Variants in NEBL observed in about 807,000 individuals in gnomAD.
NEBL encodes the protein LIM and SH3 protein 2.
Under a neutral mutation model 140.2 loss-of-function variants are expected in NEBL, and 122 were observed. The observed-to-expected ratio is 0.87, with a 90% CI of 0.75 to 1.01. NEBL has a LOEUF of 1.01. NEBL is among the 50% of genes least tolerant of loss of function. The pLI is 0.00. For missense variants in NEBL, 1,365 were observed against 1,231.3 expected, an observed-to-expected ratio of 1.11 and a Z score of -1.62; for synonymous variants, 436 against 398.9, an observed-to-expected ratio of 1.09 and a Z score of -1.11.
At chr10:21,185,010 A>G (rs751399493) in intron 3 of NEBL, among the ~76,000 whole-genome samples, 2 of 152,172 alleles carry the variant, frequency 1.3e-5, no homozygotes, top group Non-Finnish European at 2.9e-5. Context: ...GAAGATTGCT[A>G]TCTTACCTTC....
intron 1 of NEBL, among the ~76,000 whole-genome samples, chr10:21,263,612 T>TA (rs1842765687): frequency 6.6e-6 from 1 of 152,198 alleles, no homozygotes; most frequent in Non-Finnish European, 1.5e-5. Context: ...GCTTTAAAAT[T>TA]AAACTCTAAG....
At chr10:20,867,606 T>C (rs532897992) in intron 7 of NEBL, among the ~76,000 whole-genome samples, 1 of 152,164 alleles carries the variant, frequency 6.6e-6, no homozygotes, top group Non-Finnish European at 1.5e-5. Flanking sequence ...TATCCTTATG[T>C]AGTATATAGA....
chr10:20,968,204 G>T (rs1259941427), intron 3 of NEBL, among the ~76,000 whole-genome samples: 1 of 152,052 alleles, frequency 6.6e-6, no homozygotes, highest in Non-Finnish European at 1.5e-5. Context: ...GTGTTAAAGG[G>T]ATTCCAAATA....
intron 26 of NEBL, among the ~76,000 whole-genome samples, chr10:20,802,038 CT>C (rs1284897167): frequency 6.6e-6 from 1 of 152,138 alleles, no homozygotes; most frequent in African/African-American, 2.4e-5. Context: ...CTCCCATATC[CT>C]TTTACGTTTT....
At chr10:20,798,405 G>A (rs1836783262) in intron 26 of NEBL, among the ~76,000 whole-genome samples, 2 of 152,170 alleles carry the variant, frequency 1.3e-5, no homozygotes, top group Non-Finnish European at 2.9e-5. Flanking sequence ...GAAAAGCAGG[G>A]AAATTTGTGA....
chr10:21,202,026 T>G (rs1001941702), intron 3 of NEBL, among the ~76,000 whole-genome samples: 1 of 152,218 alleles, frequency 6.6e-6, no homozygotes, highest in African/African-American at 2.4e-5. Flanking sequence ...TGTAGTCTGA[T>G]TTCCTATCGT....
At chr10:21,192,433 C>T (rs1841588352) in intron 3 of NEBL, among the ~76,000 whole-genome samples, 1 of 151,700 alleles carries the variant, frequency 6.6e-6, no homozygotes, top group Non-Finnish European at 1.5e-5. Context: ...ACCTCATGAT[C>T]TGCCTGCCTT....
chr10:20,945,002 C>A (rs938940486), intron 4 of NEBL, among the ~76,000 whole-genome samples: 1 of 152,144 alleles, frequency 6.6e-6, no homozygotes, highest in Non-Finnish European at 1.5e-5. Context: ...TTTAAACAAA[C>A]AATAACCCTG....
At chr10:21,135,330 C>T (rs1839303138) in intron 2 of NEBL, among the ~76,000 whole-genome samples, 1 of 152,184 alleles carries the variant, frequency 6.6e-6, no homozygotes, top group Admixed American at 6.5e-5. Flanking sequence ...TCCCTTAACT[C>T]CTTTGTGTGG....
intron 3 of NEBL, among the ~76,000 whole-genome samples, chr10:21,011,388 C>T (rs748046068): frequency 2.6e-5 from 4 of 152,330 alleles, no homozygotes; most frequent in Non-Finnish European, 4.4e-5. Context: ...CCGTACCACA[C>T]GGAAGTGGAA....
intron 3 of NEBL, among the ~76,000 whole-genome samples, chr10:21,198,799 TC>T (rs1403786704): frequency 6.6e-6 from 1 of 151,948 alleles, no homozygotes; most frequent in Non-Finnish European, 1.5e-5. Context: ...TGACAGACCT[TC>T]CCCTATTATT....
intron 2 of NEBL, among the ~76,000 whole-genome samples, chr10:21,024,015 G>T (rs1395860139): frequency 6.6e-6 from 1 of 151,106 alleles, no homozygotes; most frequent in Non-Finnish European, 1.5e-5. Flanking sequence ...ACACTACTTT[G>T]ATAAGTTTGG....
At chr10:21,031,355 T>C (rs1238453178) in intron 2 of NEBL, among the ~76,000 whole-genome samples, 2 of 152,052 alleles carry the variant, frequency 1.3e-5, no homozygotes, top group South Asian at 2.1e-4. Context: ...CAAAGAGGTT[T>C]CCCCTAGCAG....
At chr10:21,169,905 G>T (rs73609216) in intron 2 of NEBL, among the ~76,000 whole-genome samples, 3,715 of 152,168 alleles carry the variant, frequency 0.024, 164 homozygotes, top group African/African-American at 0.084. Context: ...TAAAAATAAG[G>T]TTAAGACCTA....
intron 9 of NEBL, 106 bp from the exon 10 acceptor site, chr10:20,852,755 G>T: frequency 9.7e-7 from 1 of 1,029,118 alleles, no homozygotes; most frequent in Non-Finnish European, 1.5e-6. Flanking sequence ...GAGCTGCAAA[G>T]CTGTTGCCAA....
chr10:20,842,535 A>C (rs1185396742), intron 12 of NEBL, among the ~76,000 whole-genome samples: 1 of 152,112 alleles, frequency 6.6e-6, no homozygotes, highest in Admixed American at 6.6e-5. Context: ...TAAGTCACCA[A>C]AAGTCCTCTT....
At chr10:21,212,975 A>G (rs1841940360) in intron 3 of NEBL, among the ~76,000 whole-genome samples, 2 of 152,132 alleles carry the variant, frequency 1.3e-5, no homozygotes, top group Admixed American at 1.3e-4. Context: ...GCAGAGCTAC[A>G]CGGTAGCAGC....
intron 14 of NEBL, 104 bp from the exon 15 acceptor site, chr10:20,831,687 G>A: frequency 2.7e-6 from 2 of 744,664 alleles, no homozygotes; most frequent in Non-Finnish European, 2.3e-6. Flanking sequence ...TTGGAATGAA[G>A]TTGAATCCTT....
chr10:21,001,008 T>C (rs1837870917), intron 3 of NEBL, among the ~76,000 whole-genome samples: 1 of 152,100 alleles, frequency 6.6e-6, no homozygotes, highest in Non-Finnish European at 1.5e-5. Context: ...AGGAATTCGC[T>C]CCTGCACACC....
Sources: allele counts gnomAD v4.1 joint callset (sites outside exome capture counted in the v4.1 genomes callset), GRCh38; gene constraint gnomAD v4.1.1; transcripts MANE v1.5; gene names NCBI Gene and HGNC (gene_info 2026-07-23, HGNC 2026-07-21).